The following CTNNA3 variants were observed in gnomAD, a reference collection of about 807,000 sequenced individuals.
The protein encoded by CTNNA3 is catenin alpha-3.
Under a neutral mutation model 95.7 loss-of-function variants are expected in CTNNA3, and 76 were observed. The ratio of observed to expected loss-of-function variants is 0.79; its 90% CI spans 0.66 to 0.96. The LOEUF (loss-of-function observed/expected upper bound fraction) is 0.96. Among genes scored for constraint, CTNNA3 ranks in the 40% least tolerant of loss-of-function variants. CTNNA3 has a pLI of 0.00. For missense variants in CTNNA3, 1,191 were observed against 1,089.8 expected (o/e 1.09, Z -1.31); for synonymous variants, 431 against 374.4 (o/e 1.15, Z -1.74).
intron 7 of CTNNA3, among the ~76,000 whole-genome samples, chr10:66,921,096 C>T (rs993071654): frequency 3.9e-5 from 6 of 152,146 alleles, no homozygotes; most frequent in African/African-American, 1.4e-4. Flanking sequence ...GCTGGGAAGT[C>T]CAAAATGAAG....
intron 11 of CTNNA3, among the ~76,000 whole-genome samples, chr10:66,383,897 G>A (rs1320696589): frequency 1.3e-5 from 2 of 152,270 alleles, no homozygotes; most frequent in South Asian, 2.1e-4. Context: ...AGCAAATGCT[G>A]AGAGATTTTG....
At chr10:66,491,226 A>T (rs921233842) in intron 11 of CTNNA3, among the ~76,000 whole-genome samples, 2 of 152,192 alleles carry the variant, frequency 1.3e-5, no homozygotes, top group African/African-American at 4.8e-5. Flanking sequence ...TGCTAGGGAT[A>T]GATCTTTTAG....
At chr10:66,121,776 G>C (rs2082590480) in intron 13 of CTNNA3, among the ~76,000 whole-genome samples, 1 of 152,078 alleles carries the variant, frequency 6.6e-6, no homozygotes, top group Non-Finnish European at 1.5e-5. Flanking sequence ...TGGAAAAAGA[G>C]GTTGCAGTAA....
Position 67,294,597 on chromosome 10 carries a change from C to A in CTNNA3, c.580-74727G>T, listed in dbSNP as rs554037123. On this transcript the variant is annotated intron_variant, in intron 5 of 17. Transcript: ENST00000433211. The stretch of plus-strand genomic sequence containing the variant: ...ATTTATCATGCACCTGAAACTTGCA[C>A]CAAGGAAAGGAATTCTAAAAAAGTG... 2.5e-3 allele frequency among the ~76,000 whole-genome samples: 382 copies of A among 151,726 alleles called. 2 individuals are homozygous for A. Among genetic ancestry groups the A allele is most frequent in the African/African-American group, 8.9e-3 (369 of 41,366 alleles).
chr10:67,033,088 G>A (rs10997488), intron 7 of CTNNA3, among the ~76,000 whole-genome samples: 12 of 152,062 alleles, frequency 7.9e-5, no homozygotes, highest in Non-Finnish European at 1.3e-4. Context: ...TTGGAAACTC[G>A]AAATTCTTAA....
chr10:66,654,655 C>T (rs1310415770), intron 9 of CTNNA3, among the ~76,000 whole-genome samples: 6 of 151,938 alleles, frequency 3.9e-5, no homozygotes, highest in Admixed American at 3.3e-4. Context: ...GCCTGCATTC[C>T]CATGTTCCTC....
intron 7 of CTNNA3, among the ~76,000 whole-genome samples, chr10:67,059,006 T>A (rs1419944495): frequency 6.6e-6 from 1 of 152,234 alleles, no homozygotes; most frequent in African/African-American, 2.4e-5. Flanking sequence ...CTTTAGTCTT[T>A]AAATTCTGCT....
chr10:67,488,768 C>G (rs1451835386), intron 5 of CTNNA3, among the ~76,000 whole-genome samples: 2 of 151,806 alleles, frequency 1.3e-5, no homozygotes, highest in East Asian at 1.9e-4. Flanking sequence ...CTCCCAGGCT[C>G]AAGCAATTCT....
chr10:67,561,052 C>A (rs1408311657), intron 3 of CTNNA3, among the ~76,000 whole-genome samples: 4 of 148,082 alleles, frequency 2.7e-5, no homozygotes, highest in African/African-American at 7.6e-5. Context: ...GACTTAAACA[C>A]CCCACTGTCA....
intron 9 of CTNNA3, among the ~76,000 whole-genome samples, chr10:66,689,821 A>AG (rs1404160079): frequency 1.3e-5 from 2 of 152,160 alleles, no homozygotes; most frequent in Admixed American, 6.5e-5. Context: ...CAAGGGAGAG[A>AG]GGGGGAAAAT....
At chr10:66,828,894 A>G (rs1842610608) in intron 7 of CTNNA3, among the ~76,000 whole-genome samples, 1 of 152,234 alleles carries the variant, frequency 6.6e-6, no homozygotes, top group Non-Finnish European at 1.5e-5. Flanking sequence ...GCCAGATTGC[A>G]TACTATGACT....
At chr10:66,108,510 C>A (rs1027511711) in intron 13 of CTNNA3, among the ~76,000 whole-genome samples, 1 of 152,118 alleles carries the variant, frequency 6.6e-6, no homozygotes, top group Non-Finnish European at 1.5e-5. Flanking sequence ...AAAGTTAACC[C>A]TTTTCCCCAT....
At chr10:66,937,994 CCTT>C (rs1471787538) in intron 7 of CTNNA3, among the ~76,000 whole-genome samples, 3 of 151,858 alleles carry the variant, frequency 2.0e-5, no homozygotes, top group Non-Finnish European at 4.4e-5. Context: ...CTCTTCTTTT[CCTT>C]CTTCTTCCAA....
At chr10:66,134,857 C>T (rs10996925) in intron 13 of CTNNA3, among the ~76,000 whole-genome samples, 1 of 151,694 alleles carries the variant, frequency 6.6e-6, no homozygotes, top group Non-Finnish European at 1.5e-5. Context: ...CAGAGAAAAA[C>T]AAAGATTTAA....
chr10:66,541,680 A>G (rs1467824186), intron 10 of CTNNA3, among the ~76,000 whole-genome samples: 1 of 152,122 alleles, frequency 6.6e-6, no homozygotes, highest in African/African-American at 2.4e-5. Context: ...TACAAAGTCA[A>G]AATTTATTTT....
At chr10:66,549,893 C>G (rs1842162264) in intron 10 of CTNNA3, among the ~76,000 whole-genome samples, 1 of 152,046 alleles carries the variant, frequency 6.6e-6, no homozygotes, top group South Asian at 2.1e-4. Context: ...GGCATAGGAT[C>G]TAATTTGGTT....
At chr10:67,656,268 T>C (rs976453621) in intron 1 of CTNNA3, among the ~76,000 whole-genome samples, 5 of 152,206 alleles carry the variant, frequency 3.3e-5, no homozygotes, top group Non-Finnish European at 7.3e-5. Flanking sequence ...GATGAAGGAA[T>C]AGTTGGGTCT....
intron 7 of CTNNA3, among the ~76,000 whole-genome samples, chr10:67,018,311 C>G (rs116466889): frequency 6.6e-6 from 1 of 152,078 alleles, no homozygotes; most frequent in Admixed American, 6.5e-5. Context: ...TCGCTTTCAC[C>G]CATTTCTGAT....
chr10:66,068,037 G>C (rs1008115570), intron 15 of CTNNA3, among the ~76,000 whole-genome samples: 1 of 152,110 alleles, frequency 6.6e-6, no homozygotes, highest in Non-Finnish European at 1.5e-5. Flanking sequence ...TTCATTTTAC[G>C]CATATTCCCA....
Sources: gnomAD v4.1 joint callset for allele counts (sites outside exome capture counted in the v4.1 genomes callset) on GRCh38, gnomAD v4.1.1 for gene constraint, MANE v1.5 for transcripts, NCBI Gene and HGNC (gene_info 2026-07-23, HGNC 2026-07-21) for gene names.